The following TMEM156 variants were observed in gnomAD, a reference collection of about 807,000 sequenced individuals.
The protein encoded by TMEM156 is transmembrane protein 156.
A neutral mutation model predicts 30.5 loss-of-function variants in TMEM156; 28 were observed. The observed-to-expected ratio is 0.92, with a 90% CI of 0.68 to 1.26. The LOEUF is 1.26. Ranked by LOEUF, TMEM156 falls within the 50% of genes most tolerant of loss-of-function variation. TMEM156 has a pLI of 0.00. For synonymous variants in TMEM156, 137 were observed against 119.9 expected (o/e 1.14, Z -0.93); for missense variants, 351 against 340.6 (o/e 1.03, Z -0.24).
intron 1 of TMEM156, among the ~76,000 whole-genome samples, chr4:39,008,501 T>C (rs1032457608): frequency 6.6e-6 from 1 of 152,188 alleles, no homozygotes; most frequent in African/African-American, 2.4e-5. Context: ...TGCTTGTGTA[T>C]TCTTAATGTT....
chr4:39,013,135 T>C (rs1007327993), intron 1 of TMEM156, among the ~76,000 whole-genome samples: 3 of 150,506 alleles, frequency 2.0e-5, no homozygotes, highest in Admixed American at 6.6e-5. Context: ...CTCGTCTCTA[T>C]AAAAAAAATA....
intron 5 of TMEM156, among the ~76,000 whole-genome samples, chr4:38,973,011 A>G (rs1250006987): frequency 6.6e-6 from 1 of 152,232 alleles, no homozygotes; most frequent in Non-Finnish European, 1.5e-5. Flanking sequence ...GAGTCGTAGC[A>G]TTGATTCTTC....
intron 2 of TMEM156, among the ~76,000 whole-genome samples, chr4:38,996,453 T>A (rs1004362333): frequency 2.6e-5 from 4 of 151,300 alleles, no homozygotes; most frequent in Admixed American, 1.3e-4. Flanking sequence ...GCGTCTGTAA[T>A]CCCAGCTACT....
At chr4:39,014,402 C>T (rs767308024) in intron 1 of TMEM156, among the ~76,000 whole-genome samples, 5 of 152,150 alleles carry the variant, frequency 3.3e-5, no homozygotes, top group Non-Finnish European at 7.4e-5. Flanking sequence ...AAATCATCTT[C>T]TCCAGTTTCT....
At chr4:38,975,381 TTTC>T (rs771857967) in intron 5 of TMEM156, among the ~76,000 whole-genome samples, 2,207 of 111,030 alleles carry the variant, frequency 0.02, 35 homozygotes, top group East Asian at 0.072. Context: ...TCTTTTTTCT[TTTC>T]TTTTTTTTTT....
At chr4:39,013,457 G>A (rs2110028679) in intron 1 of TMEM156, among the ~76,000 whole-genome samples, 1 of 146,994 alleles carries the variant, frequency 6.8e-6, no homozygotes, top group Middle Eastern at 3.5e-3. Flanking sequence ...CTGGAGTGCA[G>A]TGGCACGATT....
At chr4:39,013,784 A>G (rs1714292516) in intron 1 of TMEM156, among the ~76,000 whole-genome samples, 1 of 152,238 alleles carries the variant, frequency 6.6e-6, no homozygotes, top group East Asian at 1.9e-4. Context: ...TTAAGAGGAT[A>G]TATCTGTAAT....
chr4:38,976,084 C>T (rs139141800), intron 5 of TMEM156, among the ~76,000 whole-genome samples: 6,673 of 151,818 alleles, frequency 0.044, 221 homozygotes, highest in Middle Eastern at 0.11. Flanking sequence ...GTCAGGAGAT[C>T]GAGACCATCC....
intron 1 of TMEM156, among the ~76,000 whole-genome samples, chr4:39,025,835 T>C (rs1715168341): frequency 6.6e-6 from 1 of 152,182 alleles, no homozygotes; most frequent in African/African-American, 2.4e-5. Flanking sequence ...ACTTAAAATC[T>C]CTAGGTTTGT....
intron 1 of TMEM156, among the ~76,000 whole-genome samples, chr4:39,010,496 T>C (rs1714037550): frequency 6.6e-6 from 1 of 152,124 alleles, no homozygotes; most frequent in Non-Finnish European, 1.5e-5. Flanking sequence ...GCATCATATC[T>C]TCCAACTTCA....
chr4:38,998,942 T>G, intron 1 of TMEM156, 33 bp from the exon 2 acceptor site: 1 of 1,567,020 alleles, frequency 6.4e-7, no homozygotes, highest in Non-Finnish European at 8.6e-7. Context: ...CTTTCTTTAC[T>G]GTAAAGCTTT....
intron 1 of TMEM156, among the ~76,000 whole-genome samples, chr4:39,025,908 T>C (rs1020661173): frequency 2.6e-5 from 4 of 152,254 alleles, no homozygotes; most frequent in Admixed American, 1.3e-4. Context: ...CACAAGATGT[T>C]TGTGAACGTC....
chr4:39,029,713 CAAAAAAAAA>C (rs1162125684), intron 1 of TMEM156, among the ~76,000 whole-genome samples: 1 of 1,960 alleles, frequency 5.1e-4, no homozygotes, highest in African/African-American at 2.1e-3. Flanking sequence ...GACTCCGTCT[CAAAAAAAAA>C]AAAAAAAAAA....
rs572693353 is a variant in TMEM156 at position 39,013,990 on chromosome 4, C to G, written c.89-15081G>C. On this transcript the variant is annotated intron_variant, in intron 1 of 6. Transcript: ENST00000381938. ...TGGTCTCTGTTGCAACTACACAATT[C>G]TCACCTTATAGGATGAAAACAGCCA... Among the ~76,000 whole-genome samples the G allele has an allele frequency of 2.7e-3, 408 of 152,210 alleles. 4 individuals are homozygous for G. The highest frequency in any genetic ancestry group is 9.2e-3 in the African/African-American group (384 of 41,524).
chr4:39,015,161 T>G (rs1271290438), intron 1 of TMEM156, among the ~76,000 whole-genome samples: 1 of 152,238 alleles, frequency 6.6e-6, no homozygotes, highest in Non-Finnish European at 1.5e-5. Context: ...ATTTCTAACA[T>G]TAGTTACTTG....
intron 1 of TMEM156, among the ~76,000 whole-genome samples, chr4:39,008,519 A>C (rs1213341049): frequency 6.6e-6 from 1 of 152,118 alleles, no homozygotes; most frequent in African/African-American, 2.4e-5. Flanking sequence ...GTTTTGTTTC[A>C]AAGTTCTATG....
rs1431826795 is a variant in TMEM156 at position 38,999,225 on chromosome 4, T to G, written c.89-316A>C. Among the ~76,000 whole-genome samples the G allele has an allele frequency of 4.0e-5, 6 of 151,342 alleles. No homozygotes were observed. In the South Asian group the frequency reaches 8.3e-4, roughly 21 times the overall value. On this transcript the variant is annotated intron_variant, in intron 1 of 6. Transcript: ENST00000381938. ...TTGGCCTCCCAGGCTCAGGCAATTC[T>G]CCCAACTCAGCCTCCAGAGTAGCTG... is the stretch of plus-strand genomic sequence containing the variant.
chr4:38,976,646 A>T (rs1722868872), intron 5 of TMEM156, among the ~76,000 whole-genome samples: 1 of 152,254 alleles, frequency 6.6e-6, no homozygotes, highest in African/African-American at 2.4e-5. Context: ...TTGGTTACAC[A>T]ACAACAGAAA....
At chr4:38,998,278 C>T (rs957744998) in intron 2 of TMEM156, among the ~76,000 whole-genome samples, 16 of 152,126 alleles carry the variant, frequency 1.1e-4, no homozygotes, top group African/African-American at 3.9e-4. Context: ...GGCGCTGTGG[C>T]TAATACACCT....
Sources: gnomAD v4.1 joint callset for allele counts (sites outside exome capture counted in the v4.1 genomes callset) on GRCh38, gnomAD v4.1.1 for gene constraint, MANE v1.5 for transcripts, NCBI Gene and HGNC (gene_info 2026-07-23, HGNC 2026-07-21) for gene names.